The following PTPRD variants were observed in gnomAD, a reference collection of about 807,000 sequenced individuals.
The protein encoded by PTPRD is receptor-type tyrosine-protein phosphatase delta.
In PTPRD, 34 loss-of-function variants were observed where a neutral mutation model predicts 214.5. That is an observed-to-expected ratio of 0.16 (90% confidence interval 0.12 to 0.21). The LOEUF (loss-of-function observed/expected upper bound fraction) is 0.21. PTPRD is among the 10% of genes least tolerant of loss of function. The pLI is 1.00. For missense variants in PTPRD, 2,545 were observed against 2,398.7 expected (o/e 1.06, Z -1.27); for synonymous variants, 1,128 against 845.7 (o/e 1.33, Z -5.79).
intron 4 of PTPRD, among the ~76,000 whole-genome samples, chr9:10,018,337 G>A (rs1193834826): frequency 6.6e-6 from 1 of 151,900 alleles, no homozygotes; most frequent in Non-Finnish European, 1.5e-5. Context: ...GCAATAAGCC[G>A]TCAGATACAG....
chr9:10,161,222 C>G lies in PTPRD; in HGVS notation c.-544-127432G>C, dbSNP rs143061425. Among the ~76,000 whole-genome samples the G allele has an allele frequency of 5.5e-3, 835 of 151,816 alleles. 6 individuals carry two copies. Among genetic ancestry groups the G allele is most frequent in the African/African-American group, 0.019 (790 of 41,532 alleles). On this transcript the variant is annotated intron_variant, in intron 3 of 45. Transcript: ENST00000381196. ...ACAAATTTTAAAATTTCTACACTGT[C>G]CATGGAATCACAAAAAGATCCTGAA...
intron 9 of PTPRD, among the ~76,000 whole-genome samples, chr9:9,193,932 A>G (rs908045977): frequency 6.6e-6 from 1 of 152,172 alleles, no homozygotes; most frequent in African/African-American, 2.4e-5. Flanking sequence ...TAAACTTTTT[A>G]AAAATTTTTT....
rs1403984051 is a variant in PTPRD at position 8,460,437 on chromosome 9, A to T, written c.3849T>A (p.Ile1283=). ...PVLAVVFIIC[I]VIAILLYKRK... ...TTTTATAAAGAAGAATAGCAATGAC[A>T]ATGCAGATGATAAAGACCACTGCAA... The change falls in exon 33 of 46, where the codon ATT becomes ATA. Residue 1283 remains isoleucine, a synonymous_variant. Transcript: ENST00000381196. 1.2e-6 allele frequency: 2 copies of T among 1,612,988 alleles called. No homozygotes were observed. The highest frequency in any genetic ancestry group is 1.7e-5 in the Admixed American group (1 of 59,862).
At chr9:9,349,050 G>A (rs1230925467) in intron 9 of PTPRD, among the ~76,000 whole-genome samples, 1 of 152,014 alleles carries the variant, frequency 6.6e-6, no homozygotes, top group African/African-American at 2.4e-5. Flanking sequence ...TATTACAGTG[G>A]CGGGCGGGTA....
chr9:9,146,257 T>A lies in PTPRD; in HGVS notation c.-143+37047A>T, dbSNP rs1239414691. On this transcript the variant is annotated intron_variant, in intron 10 of 45. Coordinates refer to ENST00000381196, the MANE Select transcript of PTPRD (RefSeq NM_002839.4). ...GCATGGCTAAAAGTAAATTTGTTAT[T>A]TTTTTTTTAAATTTAATTCTACTGT... Among the ~76,000 whole-genome samples the A allele has an allele frequency of 2.0e-5, 3 of 150,496 alleles. No homozygotes were observed. The East Asian group carries it at 6.4e-4, about 32-fold the overall frequency.
intron 9 of PTPRD, among the ~76,000 whole-genome samples, chr9:9,396,898 C>A (rs1013351308): frequency 2.0e-5 from 3 of 151,908 alleles, no homozygotes; most frequent in Non-Finnish European, 4.4e-5. Flanking sequence ...GTTTATTCTT[C>A]CAAGAGAGAC....
At chr9:10,093,714 C>G (rs777967387) in intron 3 of PTPRD, among the ~76,000 whole-genome samples, 1 of 151,194 alleles carries the variant, frequency 6.6e-6, no homozygotes, top group South Asian at 2.1e-4. Flanking sequence ...TATGGTGGAT[C>G]GGATAAACAA....
chr9:10,054,647 C>T (rs757466797), intron 3 of PTPRD, among the ~76,000 whole-genome samples: 4 of 152,098 alleles, frequency 2.6e-5, no homozygotes, highest in African/African-American at 9.7e-5. Flanking sequence ...TTCTGTTTCA[C>T]TGGGAGAGTA....
intron 11 of PTPRD, among the ~76,000 whole-genome samples, chr9:8,807,102 C>T (rs933773659): frequency 4.6e-5 from 7 of 152,034 alleles, no homozygotes; most frequent in African/African-American, 9.7e-5. Flanking sequence ...TTTGGGAGGC[C>T]GACGCAGGTG....
intron 3 of PTPRD, among the ~76,000 whole-genome samples, chr9:10,322,963 G>A (rs561342479): frequency 2.0e-5 from 3 of 151,838 alleles, no homozygotes; most frequent in South Asian, 4.2e-4. Flanking sequence ...AGTAACTATG[G>A]GGAAGATACA....
chr9:9,342,829 T>A (rs2047337579), intron 9 of PTPRD, among the ~76,000 whole-genome samples: 1 of 152,082 alleles, frequency 6.6e-6, no homozygotes, highest in Admixed American at 6.6e-5. Flanking sequence ...TCATCTACAT[T>A]AGGCATTTCT....
At chr9:9,946,159 A>C (rs2092522971) in intron 4 of PTPRD, among the ~76,000 whole-genome samples, 1 of 147,488 alleles carries the variant, frequency 6.8e-6, no homozygotes, top group African/African-American at 2.6e-5. Flanking sequence ...CTTCTAAGAT[A>C]ATAAGGCTTT....
chr9:10,144,690 G>C lies in PTPRD; in HGVS notation c.-544-110900C>G, dbSNP rs575062704. Among the ~76,000 whole-genome samples, 165 of 152,154 alleles carry C rather than the reference G, an allele frequency of 1.1e-3. 2 individuals carry two copies. Among genetic ancestry groups the C allele is most frequent in the Non-Finnish European group, 1.8e-3 (124 of 68,002 alleles). On this transcript the variant is annotated intron_variant, in intron 3 of 45. Coordinates refer to ENST00000381196, the MANE Select transcript of PTPRD (RefSeq NM_002839.4). Reference sequence around the variant, plus strand: ...GGAAGAATTTGATTTGTAAAGACATGGGACTAGCTTCGTTAGATATTAATG... The same window carrying C: ...GGAAGAATTTGATTTGTAAAGACATCGGACTAGCTTCGTTAGATATTAATG...
At chr9:9,370,305 T>A (rs2139692283) in intron 9 of PTPRD, among the ~76,000 whole-genome samples, 1 of 152,156 alleles carries the variant, frequency 6.6e-6, no homozygotes, top group East Asian at 1.9e-4. Context: ...GGTTTGTAGT[T>A]CTCCTTGAAG....
At chr9:10,284,185 G>A (rs2095260331) in intron 3 of PTPRD, among the ~76,000 whole-genome samples, 2 of 151,872 alleles carry the variant, frequency 1.3e-5, no homozygotes, top group African/African-American at 4.8e-5. Flanking sequence ...GCACATATTT[G>A]GCACTCCAGC....
Position 10,170,449 on chromosome 9 carries a change from T to C in PTPRD, c.-544-136659A>G, listed in dbSNP as rs541635721. Among the ~76,000 whole-genome samples, 11 of 152,260 alleles carry C rather than the reference T, an allele frequency of 7.2e-5. No homozygotes were observed. The Middle Eastern group carries it at 0.01, about 141-fold the overall frequency. Reference sequence around the variant, plus strand: ...GCTCACACCTGTAATCCCAGCACTTTGGGAGGCCGAGGCAGGCAGATCACG... The same window carrying C: ...GCTCACACCTGTAATCCCAGCACTTCGGGAGGCCGAGGCAGGCAGATCACG... On this transcript the variant is annotated intron_variant, in intron 3 of 45. Transcript: ENST00000381196.
Position 8,964,380 on chromosome 9 carries a change from A to G in PTPRD, c.-104+54317T>C, listed in dbSNP as rs72708139. 3.0e-3 allele frequency among the ~76,000 whole-genome samples: 458 copies of G among 150,886 alleles called. 1 individual carries two copies. The highest frequency in any genetic ancestry group is 0.014 in the Middle Eastern group (4 of 292). ...ATAATAGTTTCTGAGGATATTGTCT[A>G]TTTCTGTGGGATCAGTTGTAATGTC... is the stretch of plus-strand genomic sequence containing the variant. On this transcript the variant is annotated intron_variant, in intron 11 of 45. Coordinates refer to ENST00000381196, the MANE Select transcript of PTPRD (RefSeq NM_002839.4).
rs147152725 is a variant in PTPRD at position 8,808,596 on chromosome 9, T to C, written c.-103-74650A>G. Reference sequence around the variant, plus strand: ...GGTTAATCCTGGCCCACTGTATTTATGCAAAGCCAATTTAGTAATGGAAGT... The same window carrying C: ...GGTTAATCCTGGCCCACTGTATTTACGCAAAGCCAATTTAGTAATGGAAGT... On this transcript the variant is annotated intron_variant, in intron 11 of 45. Transcript: ENST00000381196. 1.3e-3 allele frequency among the ~76,000 whole-genome samples: 191 copies of C among 151,944 alleles called. 1 individual carries two copies. In the East Asian group the frequency reaches 0.018, roughly 14 times the overall value.
intron 2 of PTPRD, among the ~76,000 whole-genome samples, chr9:10,583,204 T>A (rs1420011877): frequency 6.6e-6 from 1 of 152,184 alleles, no homozygotes; most frequent in Non-Finnish European, 1.5e-5. Flanking sequence ...GTAAAGTTAT[T>A]GTGGAAGAAG....
Sources: allele counts gnomAD v4.1 joint callset (sites outside exome capture counted in the v4.1 genomes callset), GRCh38; gene constraint gnomAD v4.1.1; transcripts MANE v1.5; gene names NCBI Gene and HGNC (gene_info 2026-07-23, HGNC 2026-07-21).